Variants in PCDH11X observed in about 807,000 individuals in gnomAD.
The protein encoded by PCDH11X is protocadherin-11 X-linked.
Under a neutral mutation model 53.3 loss-of-function variants are expected in PCDH11X, and 18 were observed. The ratio of observed to expected loss-of-function variants is 0.34; its 90% CI spans 0.23 to 0.50. PCDH11X has a LOEUF of 0.50. Ranked by LOEUF, PCDH11X falls within the 20% of genes least tolerant of loss-of-function variation. The pLI is 0.98. For missense variants in PCDH11X, 570 were observed against 1,032.4 expected, an observed-to-expected ratio of 0.55 and a Z score of 6.14; for synonymous variants, 279 against 393.3, an observed-to-expected ratio of 0.71 and a Z score of 3.44.
chrX:92,484,086 C>G (rs865840084), intron 10 of PCDH11X, among the ~76,000 whole-genome samples: 33 of 77,891 alleles, frequency 4.2e-4, no homozygotes, highest in East Asian at 1.1e-3. Flanking sequence ...AAGAAAATCT[C>G]TGTGTGTGTG....
At chrX:92,595,034 A>G (rs1349609265) in intron 10 of PCDH11X, among the ~76,000 whole-genome samples, 6 of 111,228 alleles carry the variant, frequency 5.4e-5, no homozygotes, top group Admixed American at 9.6e-5. Flanking sequence ...AATTATTTGC[A>G]TAAGTTCGAT....
intron 8 of PCDH11X, among the ~76,000 whole-genome samples, chrX:92,337,725 G>A (rs1217379325): frequency 2.7e-5 from 3 of 111,529 alleles, no homozygotes; most frequent in Admixed American, 1.9e-4. Context: ...ATTAATTGGC[G>A]TAACCAGGTC....
At chrX:92,307,940 T>A in intron 8 of PCDH11X, among the ~76,000 whole-genome samples, 1 of 106,614 alleles carries the variant, frequency 9.4e-6, no homozygotes, top group Non-Finnish European at 1.9e-5. Flanking sequence ...TACTGAGGAA[T>A]AAATTTAACT....
intron 7 of PCDH11X, among the ~76,000 whole-genome samples, chrX:92,252,475 T>G (rs766016010): frequency 1.1e-4 from 12 of 111,094 alleles, no homozygotes; most frequent in Non-Finnish European, 2.3e-4. Context: ...GTATTGAGGA[T>G]TTTCTACGTG....
intron 9 of PCDH11X, among the ~76,000 whole-genome samples, chrX:92,430,072 G>A (rs1342857265): frequency 1.9e-5 from 2 of 104,400 alleles, no homozygotes; most frequent in Non-Finnish European, 4.0e-5. Context: ...GCTTCTTTAG[G>A]ATTTCACCCA....
chrX:92,565,569 T>A (rs1475892167), intron 10 of PCDH11X, among the ~76,000 whole-genome samples: 7 of 85,728 alleles, frequency 8.2e-5, no homozygotes, highest in African/African-American at 2.9e-4. Context: ...CATTTATTCG[T>A]GCAATCTAAA....
chrX:92,299,625 G>A (rs2522784), intron 8 of PCDH11X, among the ~76,000 whole-genome samples: 7 of 111,331 alleles, frequency 6.3e-5, no homozygotes, highest in Non-Finnish European at 1.3e-4. Context: ...TAGTCTCTGC[G>A]GGTTTTTGTA....
At chrX:92,376,979 T>G (rs1315113916) in intron 8 of PCDH11X, among the ~76,000 whole-genome samples, 1 of 111,567 alleles carries the variant, frequency 9.0e-6, no homozygotes, top group Non-Finnish European at 1.9e-5. Context: ...TAAGGAAATA[T>G]TCTATATAAT....
chrX:92,209,454 A>C (rs1400169012), intron 7 of PCDH11X, among the ~76,000 whole-genome samples: 4 of 112,373 alleles, frequency 3.6e-5, no homozygotes, highest in African/African-American at 1.3e-4. Context: ...TTACATTCTA[A>C]AGCTGCAAAA....
chrX:91,820,622 T>G (rs1201139430), intron 4 of PCDH11X, among the ~76,000 whole-genome samples: 3 of 102,100 alleles, frequency 2.9e-5, no homozygotes, highest in Non-Finnish European at 5.7e-5. Flanking sequence ...TGTTGTAGGT[T>G]GCCTGTTCAC....
chrX:92,272,888 C>T (rs12556336), intron 8 of PCDH11X, among the ~76,000 whole-genome samples: 3,713 of 112,093 alleles, frequency 0.033, 116 homozygotes, highest in East Asian at 0.27. Context: ...AGCTTAATTT[C>T]GTATAATAAC....
intron 6 of PCDH11X, among the ~76,000 whole-genome samples, chrX:92,154,613 T>C (rs2759777): frequency 0.06 from 6,532 of 108,328 alleles, 691 homozygotes; most frequent in African/African-American, 0.22. Context: ...GAGACCCTAG[T>C]GGGCAGACAC....
intron 6 of PCDH11X, among the ~76,000 whole-genome samples, chrX:92,187,769 G>A (rs942948765): frequency 2.7e-5 from 3 of 111,762 alleles, no homozygotes; most frequent in Non-Finnish European, 5.6e-5. Context: ...TAGATTATTT[G>A]TACCCTGGAA....
intron 8 of PCDH11X, among the ~76,000 whole-genome samples, chrX:92,276,594 G>T (rs1392133956): frequency 2.7e-5 from 3 of 111,110 alleles, no homozygotes; most frequent in African/African-American, 9.8e-5. Flanking sequence ...GGAAGTTCTT[G>T]TGTGCTGGAG....
intron 6 of PCDH11X, among the ~76,000 whole-genome samples, chrX:91,981,016 C>T (rs1436214362): frequency 2.1e-5 from 2 of 97,015 alleles, no homozygotes; most frequent in African/African-American, 7.6e-5. Context: ...TATATATATA[C>T]ACTGAATATA....
At chrX:92,188,303 G>A (rs1451569933) in intron 6 of PCDH11X, among the ~76,000 whole-genome samples, 2 of 111,499 alleles carry the variant, frequency 1.8e-5, no homozygotes, top group Non-Finnish European at 3.8e-5. Context: ...GTCTCCACAA[G>A]TGCAAATTCC....
intron 6 of PCDH11X, among the ~76,000 whole-genome samples, chrX:91,969,077 A>G (rs763029386): frequency 2.1e-3 from 234 of 110,978 alleles, no homozygotes; most frequent in African/African-American, 7.1e-3. Context: ...CAGACGCAAA[A>G]TATTTATGTA....
chrX:92,394,157 T>C, intron 9 of PCDH11X, among the ~76,000 whole-genome samples: 1 of 111,450 alleles, frequency 9.0e-6, no homozygotes, highest in Middle Eastern at 4.7e-3. Flanking sequence ...TTTAAAAAAT[T>C]ATAGAGGTCA....
intron 10 of PCDH11X, among the ~76,000 whole-genome samples, chrX:92,577,584 T>C (rs1923138844): frequency 9.1e-6 from 1 of 110,319 alleles, no homozygotes; most frequent in African/African-American, 3.3e-5. Context: ...TGTCTTCTGC[T>C]AACTTTGGGG....
Sources: gnomAD v4.1 joint callset for allele counts (sites outside exome capture counted in the v4.1 genomes callset) on GRCh38, gnomAD v4.1.1 for gene constraint, MANE v1.5 for transcripts, NCBI Gene and HGNC (gene_info 2026-07-23, HGNC 2026-07-21) for gene names.